TNIK: variants seen among roughly 807,000 people sequenced by gnomAD.
TNIK encodes the protein TRAF2 and NCK interacting kinase, also known as TRAF2 and NCK-interacting protein kinase.
A neutral mutation model predicts 191.3 loss-of-function variants in TNIK; 49 were observed. The observed-to-expected ratio is 0.26, with a 90% CI of 0.20 to 0.32. The LOEUF is 0.32. Ranked by LOEUF, TNIK falls within the 10% of genes least tolerant of loss-of-function variation. TNIK has a pLI of 1.00. For synonymous variants in TNIK, 594 were observed against 600.9 expected (o/e 0.99, Z 0.17); for missense variants, 1,155 against 1,702.3 (o/e 0.68, Z 5.66).
Position 171,295,663 on chromosome 3 carries a change from A to G in TNIK, c.124-67442T>C, listed in dbSNP as rs189182590. ...TGAAAGCTCTTTCTTCCTTCTCTCCAGGGAAATTAAGAACATTTTACACTG... is the reference window on the plus strand; with the variant it reads ...TGAAAGCTCTTTCTTCCTTCTCTCCGGGGAAATTAAGAACATTTTACACTG... On this transcript the variant is annotated intron_variant, in intron 2 of 32. Transcript: ENST00000436636. 1.1e-3 allele frequency among the ~76,000 whole-genome samples: 163 copies of G among 152,246 alleles called. 1 individual carries two copies. Among genetic ancestry groups the G allele is most frequent in the Non-Finnish European group, 1.1e-3 (73 of 68,026 alleles).
In TNIK at chr3:171,093,886, T is replaced by C; in HGVS notation, c.2674A>G (p.Ser892Gly). ...TCTCTTGAAATACTGCCGCTGAAAC[T>C]GTCCGCATGAGAGGTCTCCAGCCCA... ...THGLETSHADSFSGSISREGT... is the reference protein window; with the variant it reads ...THGLETSHADGFSGSISREGT... The change falls in exon 23 of 33, where the codon AGT becomes GGT. Residue 892 changes from serine to glycine, a missense_variant. Coordinates refer to ENST00000436636, the MANE Select transcript of TNIK (RefSeq NM_015028.4). The C allele has an allele frequency of 6.2e-7, 1 of 1,614,004 alleles. No homozygotes were observed. The highest frequency in any genetic ancestry group is 8.5e-7 in the Non-Finnish European group (1 of 1,179,870).
At chr3:171,245,969 G>A (rs13086608) in intron 2 of TNIK, among the ~76,000 whole-genome samples, 8,523 of 152,238 alleles carry the variant, frequency 0.056, 332 homozygotes, top group Middle Eastern at 0.13. Context: ...GATGAAGAAC[G>A]GAAGTAGATG....
At chr3:171,147,229 C>A (rs1344313384) in intron 12 of TNIK, among the ~76,000 whole-genome samples, 1 of 152,144 alleles carries the variant, frequency 6.6e-6, no homozygotes, top group African/African-American at 2.4e-5. Flanking sequence ...TCAAGTCAGG[C>A]TCCTTGGGAA....
chr3:171,224,997 TAATTTAAA>T (rs1742799267), intron 3 of TNIK, among the ~76,000 whole-genome samples: 1 of 152,164 alleles, frequency 6.6e-6, no homozygotes, highest in South Asian at 2.1e-4. Context: ...ATAAAAACAA[TAATTTAAA>T]AATTGATGTC....
chr3:171,322,837 TTC>T (rs1266342325), intron 2 of TNIK, among the ~76,000 whole-genome samples: 1 of 99,604 alleles, frequency 1.0e-5, no homozygotes. Flanking sequence ...TTGTTTTCTT[TTC>T]TTTTTTTTTT....
intron 1 of TNIK, among the ~76,000 whole-genome samples, chr3:171,403,259 G>A (rs1276221035): frequency 6.6e-6 from 1 of 152,204 alleles, no homozygotes; most frequent in African/African-American, 2.4e-5. Flanking sequence ...GGGGAAGAGT[G>A]TAGAACTACA....
chr3:171,217,726 G>C (rs1325972212), intron 3 of TNIK, among the ~76,000 whole-genome samples: 4 of 152,110 alleles, frequency 2.6e-5, no homozygotes, highest in Non-Finnish European at 5.9e-5. Context: ...CAAAGAATGA[G>C]ATATATGCAA....
chr3:171,307,051 A>G (rs1753528755), intron 2 of TNIK, among the ~76,000 whole-genome samples: 1 of 152,200 alleles, frequency 6.6e-6, no homozygotes, highest in African/African-American at 2.4e-5. Flanking sequence ...ATTCATGGCC[A>G]CGGCCAGAGG....
intron 3 of TNIK, among the ~76,000 whole-genome samples, chr3:171,220,523 A>C (rs1174782981): frequency 1.3e-5 from 2 of 152,204 alleles, no homozygotes; most frequent in Non-Finnish European, 2.9e-5. Context: ...AAGTCAAAAG[A>C]GGGGAATGAA....
intron 12 of TNIK, among the ~76,000 whole-genome samples, chr3:171,153,840 C>A (rs1732794314): frequency 6.6e-6 from 1 of 152,214 alleles, no homozygotes; most frequent in African/African-American, 2.4e-5. Flanking sequence ...GAGGCTCCCA[C>A]CCTGTGGCAC....
intron 1 of TNIK, among the ~76,000 whole-genome samples, chr3:171,418,999 C>T (rs886139790): frequency 6.6e-6 from 1 of 152,102 alleles, no homozygotes. Flanking sequence ...ACTGTGTCCC[C>T]ATATGGCAGA....
At chr3:171,414,866 A>C (rs1390681106) in intron 1 of TNIK, among the ~76,000 whole-genome samples, 1 of 152,222 alleles carries the variant, frequency 6.6e-6, no homozygotes, top group South Asian at 2.1e-4. Flanking sequence ...GGAAGACCTC[A>C]GTTGAAACTC....
intron 1 of TNIK, among the ~76,000 whole-genome samples, chr3:171,454,795 T>C (rs750496755): frequency 2.5e-4 from 38 of 152,220 alleles, no homozygotes; most frequent in African/African-American, 8.9e-4. Context: ...GAACTAATAA[T>C]GTTTCGAGAT....
chr3:171,336,774 C>A (rs1756995396), intron 2 of TNIK, among the ~76,000 whole-genome samples: 1 of 152,152 alleles, frequency 6.6e-6, no homozygotes, highest in African/African-American at 2.4e-5. Flanking sequence ...TTTTCCAGTT[C>A]CAATTGTGAT....
chr3:171,109,144 A>G (rs1005166574), intron 19 of TNIK, among the ~76,000 whole-genome samples: 1 of 152,194 alleles, frequency 6.6e-6, no homozygotes, highest in Non-Finnish European at 1.5e-5. Context: ...TAAATAGAAA[A>G]AAGATAACAG....
chr3:171,066,039 G>A, intron 32 of TNIK, 148 bp downstream of exon 32: 2 of 1,099,714 alleles, frequency 1.8e-6, no homozygotes, highest in Non-Finnish European at 1.3e-6. Context: ...TGCTCACATG[G>A]ATCAAACCAA....
intron 18 of TNIK, among the ~76,000 whole-genome samples, chr3:171,113,998 TAAAAA>T (rs10576485): frequency 2.9e-5 from 4 of 139,450 alleles, no homozygotes; most frequent in Admixed American, 7.2e-5. Flanking sequence ...ACGATTTTGT[TAAAAA>T]AAAAAAAAAA....
intron 1 of TNIK, among the ~76,000 whole-genome samples, chr3:171,405,615 G>A (rs1721569396): frequency 6.6e-6 from 1 of 151,738 alleles, no homozygotes; most frequent in African/African-American, 2.4e-5. Flanking sequence ...GTGATAAGAA[G>A]TTGACTCCAA....
At chr3:171,415,910 G>A (rs1018941425) in intron 1 of TNIK, among the ~76,000 whole-genome samples, 2 of 132,810 alleles carry the variant, frequency 1.5e-5, no homozygotes, top group Non-Finnish European at 3.1e-5. Flanking sequence ...GAACCTGGGA[G>A]GCAGAGGTTT....
Sources: gnomAD v4.1 joint callset for allele counts (sites outside exome capture counted in the v4.1 genomes callset) on GRCh38, gnomAD v4.1.1 for gene constraint, MANE v1.5 for transcripts, NCBI Gene and HGNC (gene_info 2026-07-23, HGNC 2026-07-21) for gene names.